Variants in ADAM32 observed in about 807,000 individuals in gnomAD.
The protein encoded by ADAM32 is ADAM metallopeptidase domain 32.
Under a neutral mutation model 114.9 loss-of-function variants are expected in ADAM32, and 89 were observed. That is an observed-to-expected ratio of 0.77 (90% CI 0.65 to 0.92). The LOEUF (loss-of-function observed/expected upper bound fraction) is 0.92, where lower values mean the gene tolerates loss of function less well. Among genes scored for constraint, ADAM32 ranks in the 40% least tolerant of loss-of-function variants. The pLI is 0.00. For synonymous variants in ADAM32, 285 were observed against 307.5 expected (o/e 0.93, Z 0.77); for missense variants, 870 against 932.8 (o/e 0.93, Z 0.88).
intron 23 of ADAM32, 110 bp from the exon 24 acceptor site, chr8:39,283,476 G>A (rs1265432183): frequency 3.1e-5 from 17 of 549,082 alleles, no homozygotes; most frequent in East Asian, 2.0e-4. Flanking sequence ...TTCTTTTTTA[G>A]TACAACTTTG....
intron 11 of ADAM32, among the ~76,000 whole-genome samples, chr8:39,191,908 T>C (rs1004322077): frequency 6.6e-6 from 1 of 152,188 alleles, no homozygotes; most frequent in African/African-American, 2.4e-5. Flanking sequence ...CTTTAATCAA[T>C]CTTGAGTTGA....
rs1387100566 is a variant in ADAM32 at position 39,185,345 on chromosome 8, A to AAAAAAAAC, written c.916-1557_916-1550dup. Among the ~76,000 whole-genome samples, 25 of 64,880 alleles carry AAAAAAAAC rather than the reference A, an allele frequency of 3.9e-4. No individual in the cohort carries two copies. In the South Asian group the frequency reaches 0.013, roughly 33 times the overall value. 42.6% of individuals were successfully genotyped at this position (64,880 alleles called of 152,430 possible). A position where few individuals can be genotyped will look rare whatever the true frequency, so the allele number is the denominator to read the frequency against. ...TGCTACTGTCATCTCCAGTCTACAAAAAAAAAACAAAAAACAAACAAACAA... is the reference window on the plus strand; with the variant it reads ...TGCTACTGTCATCTCCAGTCTACAAAAAAAAAACAAAAAAACAAAAAACAAACAAACAA... On this transcript the variant is annotated intron_variant, in intron 10 of 24. Coordinates refer to ENST00000379907, the MANE Select transcript of ADAM32 (RefSeq NM_145004.7).
At chr8:39,251,810 T>C (rs1278201119) in intron 17 of ADAM32, among the ~76,000 whole-genome samples, 1 of 151,792 alleles carries the variant, frequency 6.6e-6, no homozygotes, top group Non-Finnish European at 1.5e-5. Flanking sequence ...GTCTTAGAAC[T>C]ATTTTCCTAC....
At chr8:39,232,509 G>T (rs1308441450) in intron 15 of ADAM32, among the ~76,000 whole-genome samples, 1 of 152,054 alleles carries the variant, frequency 6.6e-6, no homozygotes, top group Non-Finnish European at 1.5e-5. Flanking sequence ...CCAGGTTTTT[G>T]ATATTTTGAT....
At chr8:39,118,947 T>C (rs564983315) in intron 2 of ADAM32, among the ~76,000 whole-genome samples, 2 of 152,360 alleles carry the variant, frequency 1.3e-5, no homozygotes, top group South Asian at 4.1e-4. Flanking sequence ...GCTGATCTGT[T>C]GTCTATCTCT....
At chr8:39,107,977 C>T in intron 1 of ADAM32, 144 bp downstream of exon 1, 4 of 1,156,832 alleles carry the variant, frequency 3.5e-6, no homozygotes, top group Non-Finnish European at 3.5e-6. Flanking sequence ...ATTAGGCGCC[C>T]CGTCCGGATG....
intron 4 of ADAM32, among the ~76,000 whole-genome samples, chr8:39,148,863 T>A (rs1235540890): frequency 6.6e-6 from 1 of 152,164 alleles, no homozygotes; most frequent in Non-Finnish European, 1.5e-5. Context: ...AATTTTCACA[T>A]CTGTGACAAT....
chr8:39,117,688 T>C (rs1267143194), intron 1 of ADAM32, among the ~76,000 whole-genome samples: 3 of 152,152 alleles, frequency 2.0e-5, no homozygotes, highest in Non-Finnish European at 2.9e-5. Flanking sequence ...CAAGGAATTC[T>C]TTATCTTGGA....
In ADAM32 at chr8:39,211,254, A is replaced by G; in HGVS notation, c.1163A>G (p.Lys388Arg). 1 of 1,604,322 alleles carries G rather than the reference A, an allele frequency of 6.2e-7. No homozygotes were observed. The highest frequency in any genetic ancestry group is 1.7e-5 in the Admixed American group (1 of 58,506). The stretch of plus-strand genomic sequence containing the variant: ...CAGAATAAGCCACAAATGCAAAAAA[A>G]ATCTCCGAAACCAGTCTGTGGCAAT... ...CLQNKPQMQK[K>R]SPKPVCGNGR... Residue 388 changes from lysine (K) to arginine (R), a missense_variant, in exon 12 of 25, where the codon AAA becomes AGA. Coordinates refer to ENST00000379907, the MANE Select transcript of ADAM32 (RefSeq NM_145004.7).
Position 39,233,949 on chromosome 8 carries a change from T to C in ADAM32, c.1685T>C (p.Phe562Ser). The change falls in exon 16 of 25, where the codon TTC (phenylalanine) becomes TCC (serine). Residue 562 changes from phenylalanine to serine, a missense_variant. Coordinates refer to ENST00000379907, the MANE Select transcript of ADAM32 (RefSeq NM_145004.7). ...TGTACCTACCCTACTCGAAAGCCTT[T>C]CCATCAAGAAAATGGTGATGTGATT... ...LVCTYPTRKP[F>S]HQENGDVIYA... 1 of 1,592,634 alleles carries C rather than the reference T, an allele frequency of 6.3e-7. No individual in the cohort carries two copies. The highest frequency in any genetic ancestry group is 1.2e-5 in the South Asian group (1 of 86,298).
At chr8:39,201,297 C>T (rs975334611) in intron 11 of ADAM32, among the ~76,000 whole-genome samples, 7 of 152,100 alleles carry the variant, frequency 4.6e-5, no homozygotes, top group Non-Finnish European at 7.4e-5. Context: ...TCTTTTAGTT[C>T]GTTGAGCAGT....
At chr8:39,230,480 A>G (rs1809666988) in intron 14 of ADAM32, among the ~76,000 whole-genome samples, 1 of 152,190 alleles carries the variant, frequency 6.6e-6, no homozygotes, top group Admixed American at 6.5e-5. Context: ...GACCAAACAT[A>G]TTCTTTACAT....
At chr8:39,245,870 T>C (rs1810882509) in intron 16 of ADAM32, among the ~76,000 whole-genome samples, 1 of 152,190 alleles carries the variant, frequency 6.6e-6, no homozygotes, top group African/African-American at 2.4e-5. Context: ...AACATAGTAA[T>C]AATAATATCA....
chr8:39,125,926 C>A (rs1802085581), intron 2 of ADAM32, among the ~76,000 whole-genome samples: 1 of 152,126 alleles, frequency 6.6e-6, no homozygotes, highest in Non-Finnish European at 1.5e-5. Context: ...GAAATCCTTT[C>A]CCCATTGCTT....
chr8:39,138,362 C>T (rs1802933452), intron 3 of ADAM32, among the ~76,000 whole-genome samples: 1 of 152,010 alleles, frequency 6.6e-6, no homozygotes, highest in African/African-American at 2.4e-5. Context: ...TGTGACATCC[C>T]CTGCCCTGTG....
intron 6 of ADAM32, among the ~76,000 whole-genome samples, chr8:39,155,315 T>C (rs961660986): frequency 6.6e-6 from 1 of 152,244 alleles, no homozygotes. Flanking sequence ...AGTTACTGCA[T>C]GTCATTGTAA....
chr8:39,128,841 C>A (rs760137414), intron 2 of ADAM32, among the ~76,000 whole-genome samples: 2 of 152,256 alleles, frequency 1.3e-5, no homozygotes, highest in South Asian at 2.1e-4. Flanking sequence ...TGAATATTGG[C>A]CTCCAATATC....
chr8:39,258,594 A>AT (rs1264391080), intron 19 of ADAM32, among the ~76,000 whole-genome samples: 2 of 152,100 alleles, frequency 1.3e-5, no homozygotes, highest in Admixed American at 6.6e-5. Flanking sequence ...AAACTTGTCT[A>AT]TGTGGTTCTC....
At chr8:39,239,255 G>T (rs963234140) in intron 16 of ADAM32, among the ~76,000 whole-genome samples, 1 of 152,156 alleles carries the variant, frequency 6.6e-6, no homozygotes, top group Non-Finnish European at 1.5e-5. Context: ...AAGGGATGGG[G>T]ATCCTATCTT....
Sources: gnomAD v4.1 joint callset for allele counts (sites outside exome capture counted in the v4.1 genomes callset) on GRCh38, gnomAD v4.1.1 for gene constraint, MANE v1.5 for transcripts, NCBI Gene and HGNC (gene_info 2026-07-23, HGNC 2026-07-21) for gene names.